KIAA0232: variants seen among roughly 807,000 people sequenced by gnomAD.
KIAA0232 encodes the protein uncharacterized protein KIAA0232.
Under a neutral mutation model 122.0 loss-of-function variants are expected in KIAA0232, and 27 were observed. That is an observed-to-expected ratio of 0.22 (90% CI 0.16 to 0.31). The LOEUF (loss-of-function observed/expected upper bound fraction) is 0.31, where lower values mean the gene tolerates loss of function less well. Among genes scored for constraint, KIAA0232 ranks in the 10% least tolerant of loss-of-function variants. The probability of loss-of-function intolerance (pLI) is 1.00; values close to 1 mark genes in which losing one functional copy is unlikely to be tolerated. For synonymous variants in KIAA0232, 613 were observed against 587.6 expected (o/e 1.04, Z -0.63); for missense variants, 1,551 against 1,634.2 (o/e 0.95, Z 0.88).
intron 3 of KIAA0232, among the ~76,000 whole-genome samples, chr4:6,834,498 T>C (rs1452980903): frequency 3.3e-5 from 5 of 152,230 alleles, no homozygotes; most frequent in Non-Finnish European, 7.3e-5. Context: ...AATGCATTTG[T>C]TAGAGGCAAA....
chr4:6,863,093 C>A lies in KIAA0232; in HGVS notation c.2711C>A (p.Ser904Ter), dbSNP rs1720968876. ...AGAGCATTTGCTTCTAGTGAGCTAT[C>A]AAACGTGGATGGTGGTGATTATACA... ...EKRAFASSELSNVDGGDYTTP... is the reference protein window; with the variant it reads ...EKRAFASSEL The change falls in exon 7 of 10, where the codon TCA (serine) becomes TAA (stop). Residue 904 changes from serine (S) to a stop codon, truncating the protein, a stop_gained. Coordinates refer to ENST00000307659, the MANE Select transcript of KIAA0232 (RefSeq NM_014743.3). LOFTEE classifies it high-confidence loss of function. The A allele has an allele frequency of 6.2e-7, 1 of 1,614,086 alleles. No individual in the cohort carries two copies. Among genetic ancestry groups the A allele is most frequent in the Non-Finnish European group, 8.5e-7 (1 of 1,180,042 alleles).
At position 6,855,108 on chromosome 4, in the gene KIAA0232, C is replaced by T. The variant is rs962637228; in HGVS notation, c.370-2056C>T. ...TTATTTTTTTTTATTTTTTTGAGAC[C>T]GAGTCTCGCTCTGTTGCCCAGGCTG... On this transcript the variant is annotated intron_variant, in intron 4 of 9. Transcript: ENST00000307659. The surrounding 1 kb of genome is among the most constrained non-coding windows in gnomAD (Gnocchi z 4.3). Among the ~76,000 whole-genome samples, 2 of 150,536 alleles carry T rather than the reference C, an allele frequency of 1.3e-5. No homozygotes were observed. Among genetic ancestry groups the T allele is most frequent in the African/African-American group, 4.9e-5 (2 of 40,842 alleles).
At chr4:6,860,848 G>A (rs558828981) in intron 6 of KIAA0232, 53 bp from the exon 7 acceptor site, 246 of 1,483,178 alleles carry the variant, frequency 1.7e-4, no homozygotes, top group African/African-American at 6.4e-4. Flanking sequence ...TTGTTTTACT[G>A]TATCTAAAAA....
At chr4:6,832,597 C>G (rs1464020658) in intron 3 of KIAA0232, among the ~76,000 whole-genome samples, 3 of 152,076 alleles carry the variant, frequency 2.0e-5, no homozygotes, top group African/African-American at 7.2e-5. Flanking sequence ...GATCTGCCTG[C>G]CTTGGCCTCC....
chr4:6,829,552 C>T (rs1191315258), intron 3 of KIAA0232, among the ~76,000 whole-genome samples: 1 of 152,214 alleles, frequency 6.6e-6, no homozygotes, highest in Admixed American at 6.5e-5. Context: ...AGATGCAGCA[C>T]CAGCCACTTA....
At chr4:6,879,284 A>T (rs11933499) in intron 9 of KIAA0232, among the ~76,000 whole-genome samples, 9 of 152,218 alleles carry the variant, frequency 5.9e-5, no homozygotes, top group Middle Eastern at 3.4e-3. Context: ...CTGTTCTGCA[A>T]AATAGGAAAG....
At chr4:6,875,172 C>G (rs1465663060) in intron 8 of KIAA0232, among the ~76,000 whole-genome samples, 1 of 152,248 alleles carries the variant, frequency 6.6e-6, no homozygotes, top group Non-Finnish European at 1.5e-5. Flanking sequence ...CCTAGGGCAA[C>G]CACGCCTCCA....
intron 3 of KIAA0232, among the ~76,000 whole-genome samples, chr4:6,833,455 C>T (rs1378960645): frequency 6.6e-6 from 1 of 151,826 alleles, no homozygotes; most frequent in Non-Finnish European, 1.5e-5. Context: ...CATGGAGAAA[C>T]CCTGTCTCTA....
rs373793407 is a variant in KIAA0232, at chr4:6,843,927, C to CTTTTTTTTTTTTTTTTTTTT, written c.369+1736_369+1755dup. On this transcript the variant is annotated intron_variant, in intron 4 of 9. Transcript: ENST00000307659. ...GGCGCAAGGACCGTGAGTTACCCAT[C>CTTTTTTTTTTTTTTTTTTTT]TTTTTTTTTTTTTTTTTTTTTTTTT... Among the ~76,000 whole-genome samples, 3 of 46,360 alleles carry CTTTTTTTTTTTTTTTTTTTT rather than the reference C, an allele frequency of 6.5e-5. 1 individual carries two copies. The highest frequency in any genetic ancestry group is 2.0e-4 in the African/African-American group (3 of 14,678). 30.4% of individuals were successfully genotyped at this position (46,360 alleles called of 152,430 possible).
intron 3 of KIAA0232, among the ~76,000 whole-genome samples, chr4:6,833,446 A>G (rs1026396687): frequency 6.6e-6 from 1 of 152,018 alleles, no homozygotes; most frequent in African/African-American, 2.4e-5. Context: ...CCTGGGCAAC[A>G]TGGAGAAACC....
In KIAA0232 at chr4:6,863,088, G is replaced by T. The variant is rs201220383; in HGVS notation, c.2706G>T (p.Glu902Asp). ...SLEKRAFASS[E>D]LSNVDGGDYT... The stretch of plus-strand genomic sequence containing the variant: ...AGAAAAGAGCATTTGCTTCTAGTGA[G>T]CTATCAAACGTGGATGGTGGTGATT... The change falls in exon 7 of 10, where the codon GAG becomes GAT. Residue 902 changes from glutamate (E) to aspartate (D), a missense_variant. By Grantham distance (45) the Glu-to-Asp change is conservative. This residue lies in a region of KIAA0232 where 1,108 missense variants were observed against 1,154.8 expected (regional missense o/e 0.96). Coordinates refer to ENST00000307659, the MANE Select transcript of KIAA0232 (RefSeq NM_014743.3). The T allele has an allele frequency of 6.7e-5, 108 of 1,614,234 alleles. No individual in the cohort carries two copies. Among genetic ancestry groups the T allele is most frequent in the Non-Finnish European group, 8.6e-5 (101 of 1,180,052 alleles).
intron 3 of KIAA0232, 97 bp downstream of exon 3, chr4:6,824,781 T>A: frequency 9.9e-7 from 1 of 1,014,006 alleles, no homozygotes; most frequent in Non-Finnish European, 1.5e-6. Context: ...ACTGAGCTAT[T>A]CATGTGTGTG....
intron 9 of KIAA0232, among the ~76,000 whole-genome samples, chr4:6,878,379 T>TCATACGTA (rs1553847006): frequency 4.0e-5 from 6 of 149,198 alleles, no homozygotes; most frequent in African/African-American, 1.3e-4. Context: ...CATCATTCAT[T>TCATACGTA]CATACATACA....
intron 3 of KIAA0232, among the ~76,000 whole-genome samples, chr4:6,826,942 G>T (rs1718715804): frequency 6.6e-6 from 1 of 152,292 alleles, no homozygotes; most frequent in East Asian, 1.9e-4. Flanking sequence ...CTAGGGGGTT[G>T]TGGTCAGAGA....
At chr4:6,789,131 C>G (rs1387394485) in intron 1 of KIAA0232, among the ~76,000 whole-genome samples, 1 of 151,984 alleles carries the variant, frequency 6.6e-6, no homozygotes, top group Non-Finnish European at 1.5e-5. Flanking sequence ...ACCACAACGC[C>G]CGGCTAATTT....
rs1038220408 is a variant in KIAA0232, at chr4:6,883,818, G to A, written c.*2852G>A. The A allele has an allele frequency of 5.3e-5, 8 of 152,180 alleles. No individual in the cohort carries two copies. Among genetic ancestry groups the A allele is most frequent in the African/African-American group, 1.9e-4 (8 of 41,442 alleles). The allele number at this position is 152,180 out of a possible 1,614,324, so 9.4% of individuals were successfully genotyped here. A position where few individuals can be genotyped will look rare whatever the true frequency, so the allele number is the denominator to read the frequency against. On this transcript the variant is annotated 3_prime_UTR_variant, in exon 10 of 10. Coordinates refer to ENST00000307659, the MANE Select transcript of KIAA0232 (RefSeq NM_014743.3). ...CTTCTGTCACTCTGAGACATACACT[G>A]GTAACATCTGTGCAAGCCCCTTTCC...
intron 2 of KIAA0232, among the ~76,000 whole-genome samples, chr4:6,808,142 C>G (rs2108958796): frequency 6.6e-6 from 1 of 152,246 alleles, no homozygotes; most frequent in South Asian, 2.1e-4. Context: ...TTTGCACTCT[C>G]TGGCTTGCCA....
chr4:6,823,570 A>G (rs1718520173), intron 2 of KIAA0232, among the ~76,000 whole-genome samples: 1 of 152,240 alleles, frequency 6.6e-6, no homozygotes, highest in Admixed American at 6.5e-5. Context: ...GATTACTTAT[A>G]TAAAACATAA....
intron 2 of KIAA0232, among the ~76,000 whole-genome samples, chr4:6,820,521 A>C (rs1027005494): frequency 6.6e-6 from 1 of 152,204 alleles, no homozygotes; most frequent in Admixed American, 6.5e-5. Flanking sequence ...CAGCTATGTT[A>C]TTAGAATTTG....
Sources: gnomAD v4.1 joint callset for allele counts (sites outside exome capture counted in the v4.1 genomes callset) on GRCh38, gnomAD v4.1.1 for gene constraint, gnomAD v4.1.1 regional missense constraint, Gnocchi (gnomAD v3.1) non-coding constraint, MANE v1.5 for transcripts, NCBI Gene and HGNC (gene_info 2026-07-23, HGNC 2026-07-21) for gene names.